CPLX1: variants seen among roughly 807,000 people sequenced by gnomAD.
The protein encoded by CPLX1 is complexin 1, also known as complexin-1.
A neutral mutation model predicts 15.6 loss-of-function variants in CPLX1; 6 were observed. That is an observed-to-expected ratio of 0.39 (90% CI 0.21 to 0.76). The LOEUF is 0.76. Among genes scored for constraint, CPLX1 ranks in the 30% least tolerant of loss-of-function variants. The pLI is 0.43. For missense variants in CPLX1, 242 were observed against 188.6 expected (o/e 1.28, Z -1.66); for synonymous variants, 91 against 75.2 (o/e 1.21, Z -1.08).
intron 2 of CPLX1, among the ~76,000 whole-genome samples, chr4:807,603 TAGC>T (rs1269255353): frequency 6.6e-6 from 1 of 152,004 alleles, no homozygotes; most frequent in African/African-American, 2.4e-5. Context: ...GCCTCCCAAG[TAGC>T]TGAGATTACG....
At chr4:802,518 T>C (rs1028365831) in intron 2 of CPLX1, among the ~76,000 whole-genome samples, 5 of 152,174 alleles carry the variant, frequency 3.3e-5, no homozygotes, top group African/African-American at 1.2e-4. Context: ...TTACAGGCCA[T>C]TTTCCCTGAT....
chr4:792,181 T>G (rs888615553), intron 3 of CPLX1, among the ~76,000 whole-genome samples: 10 of 152,132 alleles, frequency 6.6e-5, no homozygotes, highest in African/African-American at 2.4e-4. Flanking sequence ...GGGCTGCGCA[T>G]CGGAATGCGG....
intron 2 of CPLX1, among the ~76,000 whole-genome samples, chr4:812,374 G>C (rs955019027): frequency 1.3e-5 from 2 of 152,156 alleles, no homozygotes; most frequent in Non-Finnish European, 2.9e-5. Flanking sequence ...ACCGCACCCA[G>C]CAGAGTCTTT....
chr4:795,462 C>T (rs1483134961), intron 2 of CPLX1, among the ~76,000 whole-genome samples: 2 of 152,346 alleles, frequency 1.3e-5, no homozygotes, highest in Middle Eastern at 3.4e-3. Context: ...GCCGCTGCGG[C>T]GCGGGGCGGT....
At chr4:811,435 T>C (rs896212911) in intron 2 of CPLX1, among the ~76,000 whole-genome samples, 2 of 152,038 alleles carry the variant, frequency 1.3e-5, no homozygotes, top group Non-Finnish European at 2.9e-5. Context: ...CATGAGCCAC[T>C]GCACCCAGCC....
chr4:821,826 G>A (rs1457989404), intron 2 of CPLX1, among the ~76,000 whole-genome samples: 1 of 152,154 alleles, frequency 6.6e-6, no homozygotes, highest in Non-Finnish European at 1.5e-5. Context: ...CCAGCGTTGG[G>A]TCAGATGAGC....
At chr4:800,302 C>T (rs997818038) in intron 2 of CPLX1, among the ~76,000 whole-genome samples, 1 of 152,084 alleles carries the variant, frequency 6.6e-6, no homozygotes, top group Non-Finnish European at 1.5e-5. Context: ...AAAAGGTACA[C>T]CACAGGCTGA....
chr4:818,777 T>C (rs1464054401), intron 2 of CPLX1, among the ~76,000 whole-genome samples: 1 of 152,264 alleles, frequency 6.6e-6, no homozygotes, highest in African/African-American at 2.4e-5. Flanking sequence ...CATCCTCTCC[T>C]GAAAGCGAGG....
chr4:810,430 T>C (rs1412747568), intron 2 of CPLX1, among the ~76,000 whole-genome samples: 1 of 152,206 alleles, frequency 6.6e-6, no homozygotes, highest in Non-Finnish European at 1.5e-5. Flanking sequence ...TATTTTGCTT[T>C]TTAAGAAACA....
chr4:825,113 G>A (rs1746953113), intron 1 of CPLX1, among the ~76,000 whole-genome samples: 1 of 152,152 alleles, frequency 6.6e-6, no homozygotes, highest in Non-Finnish European at 1.5e-5. Context: ...CCCCCCACAT[G>A]GCCCGCGTAG....
Position 824,606 on chromosome 4 carries a change from G to A in CPLX1, c.-79-5C>T. The A allele has an allele frequency of 6.7e-7, 1 of 1,489,196 alleles. No homozygotes were observed. Among genetic ancestry groups the A allele is most frequent in the Non-Finnish European group, 9.4e-7 (1 of 1,068,192 alleles). 92.2% of individuals were successfully genotyped at this position (1,489,196 alleles called of 1,614,324 possible). On this transcript the variant is annotated splice_polypyrimidine_tract_variant and splice_region_variant and intron_variant, in intron 1 of 3. Coordinates refer to ENST00000304062, the MANE Select transcript of CPLX1 (RefSeq NM_006651.4). ...GGCCGGGAGCGAGTGTTCTTCCTGG[G>A]GGAGAGTGAAGTGGTCACAGGTCAC...
Position 788,410 on chromosome 4 carries a change from C to T in CPLX1, c.208-1712G>A, listed in dbSNP as rs1011838778. ...ACGTTCCCAGCCGCCTGTGGCCAGACCACCACCTGGCCACTGAGGAGAGAG... is the reference window on the plus strand; with the variant it reads ...ACGTTCCCAGCCGCCTGTGGCCAGATCACCACCTGGCCACTGAGGAGAGAG... On this transcript the variant is annotated intron_variant, in intron 3 of 3. Coordinates refer to ENST00000304062, the MANE Select transcript of CPLX1 (RefSeq NM_006651.4). 3 of 985,242 alleles carry T rather than the reference C, an allele frequency of 3.0e-6. No homozygotes were observed. The African/African-American group carries it at 5.2e-5, about 17-fold the overall frequency. 61.0% of individuals were successfully genotyped at this position (985,242 alleles called of 1,614,324 possible).
At chr4:817,490 G>A (rs376266750) in intron 2 of CPLX1, among the ~76,000 whole-genome samples, 10 of 151,976 alleles carry the variant, frequency 6.6e-5, no homozygotes, top group Non-Finnish European at 7.4e-5. Context: ...CCCAGGAGGC[G>A]GAGGTTATAT....
intron 2 of CPLX1, among the ~76,000 whole-genome samples, chr4:792,977 G>A (rs537965061): frequency 6.6e-6 from 1 of 152,140 alleles, no homozygotes; most frequent in African/African-American, 2.4e-5. Context: ...CCACGTGGTC[G>A]TACATCTGTA....
intron 3 of CPLX1, among the ~76,000 whole-genome samples, chr4:788,875 G>C (rs1299262233): frequency 1.3e-5 from 2 of 152,226 alleles, no homozygotes; most frequent in African/African-American, 4.8e-5. Flanking sequence ...TGTGTGCTCA[G>C]AGGAGCATGC....
In CPLX1 at chr4:786,125, A is replaced by C; in HGVS notation, c.*376T>G. The C allele has an allele frequency of 4.4e-5, 7 of 158,198 alleles. No homozygotes were observed. The highest frequency in any genetic ancestry group is 8.3e-5 in the Non-Finnish European group (6 of 72,140). 9.8% of individuals were successfully genotyped at this position (158,198 alleles called of 1,614,324 possible). ...CCCCGCCCGCAGCCCCCCGTCTGCT[A>C]TGGCTGTGCTCCTGAGTGCGGGCCC... On this transcript the variant is annotated 3_prime_UTR_variant, in exon 4 of 4. Transcript: ENST00000304062.
intron 3 of CPLX1, among the ~76,000 whole-genome samples, chr4:790,762 C>T (rs1001130863): frequency 2.6e-5 from 4 of 152,116 alleles, no homozygotes; most frequent in Non-Finnish European, 4.4e-5. Flanking sequence ...GTGTCCTTCC[C>T]TCAGCTGCTA....
intron 2 of CPLX1, among the ~76,000 whole-genome samples, chr4:807,684 A>G (rs1161890291): frequency 6.6e-6 from 1 of 151,952 alleles, no homozygotes; most frequent in Non-Finnish European, 1.5e-5. Context: ...GGTTTTCACC[A>G]TGTTGGTCAG....
intron 2 of CPLX1, among the ~76,000 whole-genome samples, chr4:817,476 T>A (rs1434061522): frequency 2.0e-5 from 3 of 151,394 alleles, no homozygotes; most frequent in African/African-American, 7.3e-5. Flanking sequence ...GAGAATCGCT[T>A]GAACCCAGGA....
Sources: gnomAD v4.1 joint callset for allele counts (sites outside exome capture counted in the v4.1 genomes callset) on GRCh38, gnomAD v4.1.1 for gene constraint, MANE v1.5 for transcripts, NCBI Gene and HGNC (gene_info 2026-07-23, HGNC 2026-07-21) for gene names.